DMRTB1: variants seen among roughly 807,000 people sequenced by gnomAD.
The protein encoded by DMRTB1 is DMRT like family B with proline rich C-terminal 1.
DMRTB1 carries 9 observed loss-of-function variants against 25.2 expected under a neutral mutation model. The observed-to-expected ratio is 0.36, with a 90% CI of 0.22 to 0.62. The LOEUF (loss-of-function observed/expected upper bound fraction) is 0.62. Ranked by LOEUF, DMRTB1 falls within the 20% of genes least tolerant of loss-of-function variation. DMRTB1 has a pLI of 0.71. For synonymous variants in DMRTB1, 269 were observed against 238.1 expected (o/e 1.13, Z -1.20); for missense variants, 551 against 499.3 (o/e 1.10, Z -0.99).
At chr1:53,464,361 C>A in intron 2 of DMRTB1, among the ~76,000 whole-genome samples, 1 of 152,302 alleles carries the variant, frequency 6.6e-6, no homozygotes, top group East Asian at 1.9e-4. Flanking sequence ...TCTGAGCACC[C>A]AAGCACAATC....
rs555688787 is a variant in DMRTB1 at position 53,466,359 on chromosome 1, C to T, written c.962-236C>T. Among the ~76,000 whole-genome samples, 72 of 152,184 alleles carry T rather than the reference C, an allele frequency of 4.7e-4. No homozygotes were observed. The Middle Eastern group carries it at 0.014, about 29-fold the overall frequency. ...TACAAAAATTAACTGGGCATGTTGG[C>T]GGGTGCCTGTAATCCCAGCTACTCA... is the stretch of plus-strand genomic sequence containing the variant. On this transcript the variant is annotated intron_variant, in intron 3 of 3. Coordinates refer to ENST00000371445, the MANE Select transcript of DMRTB1 (RefSeq NM_033067.3).
In DMRTB1 at chr1:53,460,011, C is replaced by T. The variant is rs1374581066; in HGVS notation, c.558C>T (p.Gly186=). The change falls in exon 1 of 4, where the codon GGC becomes GGT. Residue 186 remains glycine (G), a synonymous_variant. Transcript: ENST00000371445. ...DLRRPMRTVP[G]PLFTDFVRPL... is the part of the protein sequence containing the mutation. ...GCAGGCCGATGCGGACCGTGCCCGG[C>T]CCACTGTTCACCGACTTTGGTAAGT... 6 of 1,581,718 alleles carry T rather than the reference C, an allele frequency of 3.8e-6. No individual in the cohort carries two copies. In the East Asian group the frequency reaches 1.4e-4, roughly 37 times the overall value.
In DMRTB1 at chr1:53,461,620, G is replaced by A. The variant is rs79882094; in HGVS notation, c.725G>A (p.Arg242His). ...PLQQGFRHVSRSQYQGGGLVS... is the reference protein window; with the variant it reads ...PLQQGFRHVSHSQYQGGGLVS... The stretch of plus-strand genomic sequence containing the variant: ...CAGCAGGGCTTCCGGCATGTGTCCC[G>A]CAGCCAGTACCAAGGCGGAGGCTTG... Residue 242 changes from arginine (R) to histidine (H), a missense_variant, in exon 2 of 4, where the codon CGC becomes CAC. By Grantham distance (29) the Arg-to-His change is conservative. Transcript: ENST00000371445. 2 of 1,603,984 alleles carry A rather than the reference G, an allele frequency of 1.2e-6. No homozygotes were observed. The highest frequency in any genetic ancestry group is 1.1e-5 in the South Asian group (1 of 89,702).
chr1:53,464,225 A>G (rs1644038295), intron 2 of DMRTB1, among the ~76,000 whole-genome samples: 1 of 152,182 alleles, frequency 6.6e-6, no homozygotes, highest in African/African-American at 2.4e-5. Context: ...GAGTCAGCCA[A>G]CTTGGGATCC....
Position 53,459,423 on chromosome 1 carries a change from GGTGGTTGTGTTAC to G in DMRTB1, c.-29_-17del, listed in dbSNP as rs755681756. ...CACTTGCTCTGCAGCTCCCAGAGGT[GGTGGTTGTGTTAC>G]GAAGGCTGACCCTGCCAATGGCCGA... On this transcript the variant is annotated 5_prime_UTR_variant, in exon 1 of 4. Coordinates refer to ENST00000371445, the MANE Select transcript of DMRTB1 (RefSeq NM_033067.3). The G allele has an allele frequency of 2.5e-6, 4 of 1,612,488 alleles. No homozygotes were observed. Among genetic ancestry groups the G allele is most frequent in the South Asian group, 1.1e-5 (1 of 90,996 alleles).
At position 53,459,598 on chromosome 1, in the gene DMRTB1, A is replaced by T. The variant is rs755437671; in HGVS notation, c.145A>T (p.Ile49Phe). 18 of 1,594,830 alleles carry T rather than the reference A, an allele frequency of 1.1e-5. No individual in the cohort carries two copies. Among genetic ancestry groups the T allele is most frequent in the Middle Eastern group, 3.4e-4 (2 of 5,824 alleles). Reference protein sequence around the residue: ...KCYLISERQKIMAAQKVLKTQ... With the variant: ...KCYLISERQKFMAAQKVLKTQ... ...CTACCTGATCTCCGAGCGCCAGAAG[A>T]TCATGGCCGCGCAGAAGGTGCTCAA... The change falls in exon 1 of 4, where the codon ATC becomes TTC. Residue 49 changes from isoleucine to phenylalanine, a missense_variant. By Grantham distance (21) the Ile-to-Phe change is conservative. Transcript: ENST00000371445.
In DMRTB1 at chr1:53,459,483, G is replaced by A; in HGVS notation, c.30G>A (p.Lys10=). MADKMVRTP[K]CSRCRNHGFL... ...CCGACAAAATGGTGCGCACCCCCAA[G>A]TGCTCGAGATGCAGGAACCATGGCT... Residue 10 remains lysine (K), a synonymous_variant, in exon 1 of 4, where the codon AAG becomes AAA. Coordinates refer to ENST00000371445, the MANE Select transcript of DMRTB1 (RefSeq NM_033067.3). 6.2e-7 allele frequency: 1 copy of A among 1,613,222 alleles called. No homozygotes were observed. Among genetic ancestry groups the A allele is most frequent in the Non-Finnish European group, 8.5e-7 (1 of 1,180,022 alleles).
In DMRTB1 at chr1:53,459,879, C is replaced by A; in HGVS notation, c.426C>A (p.Ser142Arg). ...RALQPVLGGR[S>R]HVEPSERAAV... Reference sequence around the variant, plus strand: ...TCCAGCCGGTTCTGGGCGGCCGCAGCCACGTGGAGCCGAGCGAGCGAGCCG... The same window carrying A: ...TCCAGCCGGTTCTGGGCGGCCGCAGACACGTGGAGCCGAGCGAGCGAGCCG... Residue 142 changes from serine (S) to arginine (R), a missense_variant, in exon 1 of 4, where the codon AGC becomes AGA. Coordinates refer to ENST00000371445, the MANE Select transcript of DMRTB1 (RefSeq NM_033067.3). The A allele has an allele frequency of 3.3e-6, 5 of 1,514,488 alleles. No individual in the cohort carries two copies. Among genetic ancestry groups the A allele is most frequent in the African/African-American group, 1.4e-5 (1 of 69,366 alleles). 93.8% of individuals were successfully genotyped at this position (1,514,488 alleles called of 1,614,324 possible).
At chr1:53,466,355 T>A (rs1466074637) in intron 3 of DMRTB1, among the ~76,000 whole-genome samples, 1 of 152,058 alleles carries the variant, frequency 6.6e-6, no homozygotes, top group Non-Finnish European at 1.5e-5. Flanking sequence ...ACTGGGCATG[T>A]TGGCGGGTGC....
At position 53,461,617 on chromosome 1, in the gene DMRTB1, C is replaced by T; in HGVS notation, c.722C>T (p.Ser241Phe). The T allele has an allele frequency of 1.2e-6, 2 of 1,606,126 alleles. No individual in the cohort carries two copies. Among genetic ancestry groups the T allele is most frequent in the South Asian group, 1.1e-5 (1 of 89,952 alleles). ...CTGCAGCAGGGCTTCCGGCATGTGTCCCGCAGCCAGTACCAAGGCGGAGGC... is the reference window on the plus strand; with the variant it reads ...CTGCAGCAGGGCTTCCGGCATGTGTTCCGCAGCCAGTACCAAGGCGGAGGC... ...VPLQQGFRHV[S>F]RSQYQGGGLV... The change falls in exon 2 of 4, where the codon TCC (serine) becomes TTC (phenylalanine). Residue 241 changes from serine to phenylalanine, a missense_variant. Ser to Phe is a radical substitution (Grantham distance 155). Transcript: ENST00000371445.
chr1:53,464,251 C>T (rs926703688), intron 2 of DMRTB1, among the ~76,000 whole-genome samples: 3 of 152,182 alleles, frequency 2.0e-5, no homozygotes, highest in Admixed American at 6.5e-5. Context: ...TGCCCCTTAA[C>T]CACAAAGCAG....
chr1:53,460,048 T>G lies in DMRTB1; in HGVS notation c.577+18T>G. 6.5e-7 allele frequency: 1 copy of G among 1,546,304 alleles called. No homozygotes were observed. The highest frequency in any genetic ancestry group is 8.7e-7 in the Non-Finnish European group (1 of 1,154,826). On this transcript the variant is annotated intron_variant, in intron 1 of 3. Coordinates refer to ENST00000371445, the MANE Select transcript of DMRTB1 (RefSeq NM_033067.3). ...CGACTTTGGTAAGTCGTGGCCTTGG[T>G]CCCGCGGTCGACTCCCGGAGCTGGC...
intron 1 of DMRTB1, 64 bp from the exon 2 acceptor site, chr1:53,461,409 G>A: frequency 6.7e-7 from 1 of 1,489,178 alleles, no homozygotes; most frequent in Non-Finnish European, 9.0e-7. Flanking sequence ...CGCCGCCCTG[G>A]GCCGCCCTGC....
At chr1:53,462,738 C>T (rs554627506) in intron 2 of DMRTB1, among the ~76,000 whole-genome samples, 1 of 152,236 alleles carries the variant, frequency 6.6e-6, no homozygotes, top group Non-Finnish European at 1.5e-5. Flanking sequence ...AGAGCCGGGT[C>T]GTGCACCTCA....
intron 2 of DMRTB1, among the ~76,000 whole-genome samples, chr1:53,462,114 C>A (rs757870016): frequency 1.3e-5 from 2 of 152,140 alleles, no homozygotes; most frequent in African/African-American, 4.8e-5. Flanking sequence ...ATGAAAAATA[C>A]GGAAACCTTC....
At chr1:53,465,013 T>C (rs1447980462) in intron 3 of DMRTB1, among the ~76,000 whole-genome samples, 166 bp downstream of exon 3, 2 of 152,110 alleles carry the variant, frequency 1.3e-5, no homozygotes, top group Non-Finnish European at 1.5e-5. Flanking sequence ...CCAGTCCCCA[T>C]AGGCACACAT....
chr1:53,460,108 G>A, intron 1 of DMRTB1, 78 bp downstream of exon 1: 1 of 1,439,024 alleles, frequency 6.9e-7, no homozygotes, highest in Non-Finnish European at 9.1e-7. Context: ...GCTGGCATAG[G>A]GGTTCGGGGT....
chr1:53,461,305 G>A (rs1420522037), intron 1 of DMRTB1, among the ~76,000 whole-genome samples, 168 bp from the exon 2 acceptor site: 1 of 152,242 alleles, frequency 6.6e-6, no homozygotes. Context: ...TCCAAGAGCA[G>A]TGGGGCTGGC....
chr1:53,459,657 C>G lies in DMRTB1; in HGVS notation c.204C>G (p.Ala68=). ...CCGCCGAGGAGGAGCAGGAGGCGGC[C>G]CTGTGTGCGCAGGGGCCCAAGCAGG... ...TQAAEEEQEA[A]LCAQGPKQAS... The change falls in exon 1 of 4, where the codon GCC becomes GCG. Residue 68 remains alanine (A), a synonymous_variant. Coordinates refer to ENST00000371445, the MANE Select transcript of DMRTB1 (RefSeq NM_033067.3). The G allele has an allele frequency of 6.5e-7, 1 of 1,549,998 alleles. No individual in the cohort carries two copies. Among genetic ancestry groups the G allele is most frequent in the East Asian group, 2.4e-5 (1 of 41,034 alleles).
Sources: allele counts gnomAD v4.1 joint callset (sites outside exome capture counted in the v4.1 genomes callset), GRCh38; gene constraint gnomAD v4.1.1; transcripts MANE v1.5; gene names NCBI Gene and HGNC (gene_info 2026-07-23, HGNC 2026-07-21).